The following POLD1 variants were observed in gnomAD, a reference collection of about 807,000 sequenced individuals.
POLD1 encodes DNA polymerase delta catalytic subunit.
A neutral mutation model predicts 129.7 loss-of-function variants in POLD1; 79 were observed. That is an observed-to-expected ratio of 0.61 (90% CI 0.51 to 0.73). The LOEUF (loss-of-function observed/expected upper bound fraction) is 0.73. Ranked by LOEUF, POLD1 falls within the 30% of genes least tolerant of loss-of-function variation. POLD1 has a pLI of 0.00. For synonymous variants in POLD1, 714 were observed against 683.3 expected (o/e 1.04, Z -0.70); for missense variants, 1,338 against 1,595.8 (o/e 0.84, Z 2.75).
Position 50,417,209 on chromosome 19 carries a change from G to T in POLD1, c.3158G>T (p.Arg1053Leu). The T allele has an allele frequency of 1.9e-6, 3 of 1,606,320 alleles. No homozygotes were observed. Among genetic ancestry groups the T allele is most frequent in the Non-Finnish European group, 1.7e-6 (2 of 1,178,106 alleles). ...HLNALEERFS[R>L]LWTQCQRCQG... ...AATGCCCTGGAGGAGCGCTTCTCGC[G>T]CCTCTGGACGCAGTGCCAGCGCTGC... Residue 1053 changes from arginine (R) to leucine (L), a missense_variant, in exon 26 of 27, where the codon CGC (arginine) becomes CTC (leucine). This residue lies in a region of POLD1 where 286 missense variants were observed against 277.5 expected (regional missense o/e 1.03). Transcript: ENST00000440232.
intron 1 of POLD1, among the ~76,000 whole-genome samples, chr19:50,397,365 A>G (rs2038408466): frequency 1.3e-5 from 2 of 150,558 alleles, no homozygotes; most frequent in Admixed American, 1.3e-4. Flanking sequence ...AGATTGTGCC[A>G]CTGTACTCCA....
intron 1 of POLD1, among the ~76,000 whole-genome samples, chr19:50,386,755 A>T (rs2037984128): frequency 6.6e-6 from 1 of 152,190 alleles, no homozygotes; most frequent in Non-Finnish European, 1.5e-5. Context: ...TTGCTCTGCC[A>T]TCCAGAGGTC....
chr19:50,409,483 G>A lies in POLD1; in HGVS notation c.2007-36G>A. On this transcript the variant is annotated intron_variant, in intron 16 of 26. Coordinates refer to ENST00000440232, the MANE Select transcript of POLD1 (RefSeq NM_002691.4). The surrounding 1 kb of genome is among the most constrained non-coding windows in gnomAD (Gnocchi z 5.8). ...AAGGAGCCCTGACCAATGCCCAGGT[G>A]CCGCCTGAGTGTGCTTTCCCCGTGT... 6.2e-7 allele frequency: 1 copy of A among 1,613,190 alleles called. No homozygotes were observed. The highest frequency in any genetic ancestry group is 1.7e-5 in the Admixed American group (1 of 59,992).
rs1431917484 is a variant in POLD1 at position 50,416,595 on chromosome 19, C to T, written c.2954-15C>T. 3.2e-6 allele frequency: 5 copies of T among 1,551,834 alleles called. No homozygotes were observed. The Admixed American group carries it at 9.6e-5, about 30-fold the overall frequency. ...GAGGAGATCACCGGCCCACCACCTG[C>T]CTCCTCTCCTGCAGGGGGGGACCAC... On this transcript the variant is annotated splice_polypyrimidine_tract_variant and intron_variant, in intron 23 of 26. Coordinates refer to ENST00000440232, the MANE Select transcript of POLD1 (RefSeq NM_002691.4).
rs1601249285 is a variant in POLD1, at chr19:50,417,127, A to T, written c.3120+30A>T. On this transcript the variant is annotated intron_variant, in intron 25 of 26. Coordinates refer to ENST00000440232, the MANE Select transcript of POLD1 (RefSeq NM_002691.4). Reference sequence around the variant, plus strand: ...GAGGGCCGGGAGGTGAGGAGGGGCCAGGTGGGGAGGCGGGGGCGCCCTGCT... The same window carrying T: ...GAGGGCCGGGAGGTGAGGAGGGGCCTGGTGGGGAGGCGGGGGCGCCCTGCT... 3 of 1,571,092 alleles carry T rather than the reference A, an allele frequency of 1.9e-6. No individual in the cohort carries two copies. In the East Asian group the frequency reaches 7.0e-5, roughly 37 times the overall value.
intron 3 of POLD1, among the ~76,000 whole-genome samples, chr19:50,399,709 G>A (rs1330810794): frequency 1.3e-5 from 2 of 152,248 alleles, no homozygotes; most frequent in East Asian, 3.9e-4. Flanking sequence ...CAGCTTGAGG[G>A]AGGTGCTTGG....
rs778836055 is a variant in POLD1, at chr19:50,402,347, C to T, written c.732C>T (p.Tyr244=). ...TGGGCACGCCCAGCTTCGCGCCCTACGAGGCCAACGTCGACTTTGAGATCC... is the reference window on the plus strand; with the variant it reads ...TGGGCACGCCCAGCTTCGCGCCCTATGAGGCCAACGTCGACTTTGAGATCC... The part of the protein sequence containing the change: ...AGLGTPSFAP[Y]EANVDFEIRF... The change falls in exon 6 of 27, where the codon TAC becomes TAT. Residue 244 remains tyrosine (Y), a synonymous_variant. Transcript: ENST00000440232. 3.8e-5 allele frequency: 61 copies of T among 1,610,960 alleles called. 1 individual carries two copies. Among genetic ancestry groups the T allele is most frequent in the South Asian group, 8.8e-5 (8 of 90,870 alleles).
chr19:50,400,856 C>G (rs1245700202), intron 3 of POLD1, among the ~76,000 whole-genome samples: 1 of 151,720 alleles, frequency 6.6e-6, no homozygotes, highest in African/African-American at 2.4e-5. Context: ...GCCCCAACTC[C>G]TGGCTAATTT....
intron 9 of POLD1, 132 bp downstream of exon 9, chr19:50,403,351 C>T: frequency 1.8e-6 from 2 of 1,135,662 alleles, no homozygotes; most frequent in East Asian, 2.4e-5. Context: ...TCTGGGTGGG[C>T]CCCTGTGCAA....
intron 10 of POLD1, among the ~76,000 whole-genome samples, chr19:50,404,515 G>C (rs2038794013): frequency 6.8e-6 from 1 of 148,120 alleles, no homozygotes; most frequent in African/African-American, 2.6e-5. Context: ...GTCTGCCTCG[G>C]CCTCCCAAAG....
intron 17 of POLD1, among the ~76,000 whole-genome samples, chr19:50,411,927 A>G (rs1445871389): frequency 6.6e-6 from 1 of 152,140 alleles, no homozygotes; most frequent in African/African-American, 2.4e-5. Flanking sequence ...ACTTGAGGCC[A>G]GGGGTTTAAG....
In POLD1 at chr19:50,409,518, G is replaced by GGGCCAAGGCCGAGCT; in HGVS notation, c.2015_2029dup (p.Ala672_Lys676dup). 1 of 1,613,556 alleles carries GGGCCAAGGCCGAGCT rather than the reference G, an allele frequency of 6.2e-7. No individual in the cohort carries two copies. Among genetic ancestry groups the GGGCCAAGGCCGAGCT allele is most frequent in the Non-Finnish European group, 8.5e-7 (1 of 1,180,042 alleles). On this transcript the variant is annotated inframe_insertion and splice_region_variant. Transcript: ENST00000440232. The surrounding 1 kb of genome is among the most constrained non-coding windows in gnomAD (Gnocchi z 5.8). ...TGTGCTTTCCCCGTGTTCCCTCGCAGGGCCAAGGCCGAGCTGGCCAAGGAG... is the reference window on the plus strand; with the variant it reads ...TGTGCTTTCCCCGTGTTCCCTCGCAGGGCCAAGGCCGAGCTGGCCAAGGCCGAGCTGGCCAAGGAG...
chr19:50,410,044 G>A (rs1427174211), intron 17 of POLD1, among the ~76,000 whole-genome samples: 1 of 152,202 alleles, frequency 6.6e-6, no homozygotes, highest in Non-Finnish European at 1.5e-5. Flanking sequence ...GTCGGGGAGT[G>A]ATGGGGCTGG....
chr19:50,415,012 A>G (rs2039225530), intron 20 of POLD1, 22 bp downstream of exon 20: 1 of 1,510,796 alleles, frequency 6.6e-7, no homozygotes, highest in African/African-American at 1.4e-5. Context: ...CTCCTCCCTC[A>G]GACTCAGGGG....
At chr19:50,401,355 TTG>T (rs2038598757) in intron 3 of POLD1, among the ~76,000 whole-genome samples, 1 of 123,776 alleles carries the variant, frequency 8.1e-6, no homozygotes, top group Non-Finnish European at 1.6e-5. Context: ...GTGTGTGTAT[TTG>T]TGTATATGTG....
At chr19:50,390,725 C>T (rs1490477792) in intron 1 of POLD1, among the ~76,000 whole-genome samples, 14 of 152,104 alleles carry the variant, frequency 9.2e-5, no homozygotes, top group Non-Finnish European at 1.5e-5. Flanking sequence ...GCCCTGCGGC[C>T]TTCCGCAGTG....
At chr19:50,399,268 C>A in intron 2 of POLD1, 103 bp from the exon 3 acceptor site, 2 of 1,165,870 alleles carry the variant, frequency 1.7e-6, no homozygotes, top group Non-Finnish European at 2.5e-6. Flanking sequence ...TCCTGCCTGA[C>A]CCAGACCACC....
chr19:50,413,197 T>C (rs2039147464), intron 17 of POLD1, among the ~76,000 whole-genome samples: 1 of 152,220 alleles, frequency 6.6e-6, no homozygotes, highest in Non-Finnish European at 1.5e-5. Context: ...TCCTTGTGCA[T>C]GTCCAGAACT....
intron 26 of POLD1, among the ~76,000 whole-genome samples, 195 bp from the exon 27 acceptor site, chr19:50,417,647 C>T (rs891835071): frequency 1.3e-5 from 2 of 151,526 alleles, no homozygotes; most frequent in African/African-American, 4.9e-5. Flanking sequence ...CCCTGCACCT[C>T]GCCAGGCACC....
Sources: allele counts gnomAD v4.1 joint callset (sites outside exome capture counted in the v4.1 genomes callset), GRCh38; gene constraint gnomAD v4.1.1; regional missense constraint gnomAD v4.1.1; non-coding constraint Gnocchi (gnomAD v3.1); transcripts MANE v1.5; gene names NCBI Gene and HGNC (gene_info 2026-07-23, HGNC 2026-07-21).